The following TMEM131 variants were observed in gnomAD, a reference collection of about 807,000 sequenced individuals.
TMEM131 encodes the protein 2610524E03Rik.
A neutral mutation model predicts 211.6 loss-of-function variants in TMEM131; 66 were observed. The observed-to-expected ratio is 0.31, with a 90% confidence interval of 0.26 to 0.38. The LOEUF (loss-of-function observed/expected upper bound fraction) is 0.38. Ranked by LOEUF, TMEM131 falls within the 10% of genes least tolerant of loss-of-function variation. The pLI, the probability that TMEM131 is intolerant of heterozygous loss-of-function variation, is 1.00. For synonymous variants in TMEM131, 844 were observed against 841.3 expected (o/e 1.00, Z -0.06); for missense variants, 2,036 against 2,299.3 (o/e 0.89, Z 2.34).
intron 32 of TMEM131, among the ~76,000 whole-genome samples, chr2:97,774,653 C>T (rs906958347): frequency 3.3e-5 from 5 of 152,162 alleles, no homozygotes; most frequent in South Asian, 2.1e-4. Flanking sequence ...CACTGGGGGC[C>T]GCTGGAGAGG....
At chr2:97,857,423 G>A (rs1005297165) in intron 5 of TMEM131, among the ~76,000 whole-genome samples, 60 of 152,000 alleles carry the variant, frequency 3.9e-4, no homozygotes, top group African/African-American at 1.0e-3. Flanking sequence ...TCTGTATTAC[G>A]GTAGCAATGA....
At chr2:97,927,266 T>C in intron 2 of TMEM131, 160 bp downstream of exon 2, 1 of 459,424 alleles carries the variant, frequency 2.2e-6, no homozygotes, top group South Asian at 7.5e-5. Flanking sequence ...CTCACGTAAC[T>C]ACAGAGGTTT....
In TMEM131 at chr2:97,953,295, G is replaced by A. The variant is rs376316058; in HGVS notation, c.188-25808C>T. Reference sequence around the variant, plus strand: ...GTCAGACAAAACCCAACTACATACCGTCTAATAAAACTTATTTCAAACACA... The same window carrying A: ...GTCAGACAAAACCCAACTACATACCATCTAATAAAACTTATTTCAAACACA... On this transcript the variant is annotated intron_variant, in intron 1 of 40. Coordinates refer to ENST00000186436, the MANE Select transcript of TMEM131 (RefSeq NM_015348.2). 7.2e-5 allele frequency among the ~76,000 whole-genome samples: 11 copies of A among 152,204 alleles called. 1 individual carries two copies. The highest frequency in any genetic ancestry group is 2.6e-4 in the Admixed American group (4 of 15,296).
chr2:97,951,329 C>G (rs1051903659), intron 1 of TMEM131, among the ~76,000 whole-genome samples: 4 of 152,194 alleles, frequency 2.6e-5, no homozygotes, highest in African/African-American at 9.7e-5. Context: ...GGAGCTCCCA[C>G]TGGATAGCTT....
At chr2:97,908,295 G>A (rs539735133) in intron 3 of TMEM131, among the ~76,000 whole-genome samples, 35 of 152,184 alleles carry the variant, frequency 2.3e-4, no homozygotes, top group African/African-American at 8.2e-4. Context: ...CTTCTCTGGG[G>A]GCCTGCGGGC....
At chr2:97,940,396 T>A (rs746056067) in intron 1 of TMEM131, among the ~76,000 whole-genome samples, 3 of 152,180 alleles carry the variant, frequency 2.0e-5, no homozygotes, top group Non-Finnish European at 4.4e-5. Context: ...AGCCAAATCA[T>A]GAGTGAACTC....
intron 5 of TMEM131, among the ~76,000 whole-genome samples, chr2:97,857,501 T>C (rs1312658593): frequency 6.6e-6 from 1 of 152,228 alleles, no homozygotes; most frequent in Admixed American, 6.5e-5. Context: ...AAAATATTGC[T>C]TGACTTAGCA....
intron 7 of TMEM131, among the ~76,000 whole-genome samples, chr2:97,838,426 C>CTTTTTTTTTT (rs753635047): frequency 7.9e-5 from 7 of 89,094 alleles, no homozygotes; most frequent in African/African-American, 3.0e-4. Context: ...TAAGCTTAAA[C>CTTTTTTTTTT]TTTTTTTTTT....
intron 1 of TMEM131, among the ~76,000 whole-genome samples, chr2:97,933,543 A>T (rs1279877925): frequency 1.3e-5 from 2 of 152,168 alleles, no homozygotes; most frequent in Non-Finnish European, 2.9e-5. Context: ...TGGTGTTTGT[A>T]TAACATTGTG....
chr2:97,826,286 G>A (rs1000434845), intron 11 of TMEM131, among the ~76,000 whole-genome samples: 1 of 152,090 alleles, frequency 6.6e-6, no homozygotes, highest in Non-Finnish European at 1.5e-5. Flanking sequence ...ACTGAGAAAG[G>A]GAAAAAGAAT....
intron 1 of TMEM131, among the ~76,000 whole-genome samples, chr2:97,948,078 T>C (rs1256935585): frequency 3.3e-5 from 5 of 152,194 alleles, no homozygotes; most frequent in African/African-American, 1.2e-4. Flanking sequence ...AATTCTAAAG[T>C]TCCTAGAAAT....
At chr2:97,927,085 A>C (rs1240476622) in intron 2 of TMEM131, among the ~76,000 whole-genome samples, 1 of 152,204 alleles carries the variant, frequency 6.6e-6, no homozygotes, top group Non-Finnish European at 1.5e-5. Flanking sequence ...TTCAGTTTTT[A>C]TTCAGTTTTA....
chr2:97,879,939 C>G (rs1674855779), intron 4 of TMEM131, among the ~76,000 whole-genome samples: 1 of 152,134 alleles, frequency 6.6e-6, no homozygotes, highest in Admixed American at 6.5e-5. Flanking sequence ...TGCCCCTAAC[C>G]TGCCATGTTG....
At chr2:97,759,903 T>G (rs1381346909) in intron 38 of TMEM131, 154 bp from the exon 39 acceptor site, 3 of 632,992 alleles carry the variant, frequency 4.7e-6, no homozygotes, top group African/African-American at 3.6e-5. Flanking sequence ...GAACAATGGC[T>G]GCTTACCACA....
intron 19 of TMEM131, among the ~76,000 whole-genome samples, 165 bp from the exon 20 acceptor site, chr2:97,805,868 A>T (rs1681271375): frequency 6.6e-6 from 1 of 152,216 alleles, no homozygotes; most frequent in South Asian, 2.1e-4. Context: ...CAGCCAAAAA[A>T]CCTCACCAAA....
rs1308767483 is a variant in TMEM131, at chr2:97,804,290, C to T, written c.2402+798G>A. 1.5e-4 allele frequency among the ~76,000 whole-genome samples: 23 copies of T among 152,062 alleles called. 1 individual carries two copies. Among genetic ancestry groups the T allele is most frequent in the Admixed American group, 1.5e-3 (23 of 15,266 alleles). On this transcript the variant is annotated intron_variant, in intron 22 of 40. Transcript: ENST00000186436. ...CAGTATTGATTTGTCATTAGATGCA[C>T]ATTTCCTACCTGCCAAAGAAACACT...
chr2:97,845,189 T>C (rs1332470186), intron 5 of TMEM131, among the ~76,000 whole-genome samples: 1 of 151,992 alleles, frequency 6.6e-6, no homozygotes, highest in African/African-American at 2.4e-5. Flanking sequence ...GATTATCAAC[T>C]AGCCTGAAAT....
In TMEM131 at chr2:97,814,374, T is replaced by C. The variant is rs200161087; in HGVS notation, c.1307A>G (p.Asp436Gly). The change falls in exon 14 of 41, where the codon GAT (aspartate) becomes GGT (glycine). Residue 436 changes from aspartate (D) to glycine (G), a missense_variant. This residue lies in a region of TMEM131 where 1,623 missense variants were observed against 1,805.9 expected (regional missense o/e 0.90). Coordinates refer to ENST00000186436, the MANE Select transcript of TMEM131 (RefSeq NM_015348.2). ...GATGTGAAATAATGTTGCAGCATGATCAAATCCCAAATAACTATTAAAAAA... is the reference window on the plus strand; with the variant it reads ...GATGTGAAATAATGTTGCAGCATGACCAAATCCCAAATAACTATTAAAAAA... Reference protein sequence around the residue: ...AEVLDGYLGFDHAATLFHIRD... With the variant: ...AEVLDGYLGFGHAATLFHIRD... 14 of 1,602,464 alleles carry C rather than the reference T, an allele frequency of 8.7e-6. No individual in the cohort carries two copies. Among genetic ancestry groups the C allele is most frequent in the African/African-American group, 1.3e-5 (1 of 74,426 alleles).
intron 31 of TMEM131, among the ~76,000 whole-genome samples, chr2:97,779,087 C>T (rs1679866843): frequency 6.6e-6 from 1 of 152,240 alleles, no homozygotes; most frequent in South Asian, 2.1e-4. Context: ...GTCTAGGCCC[C>T]ACCCCTCAGA....
Sources: gnomAD v4.1 joint callset for allele counts (sites outside exome capture counted in the v4.1 genomes callset) on GRCh38, gnomAD v4.1.1 for gene constraint, gnomAD v4.1.1 regional missense constraint, MANE v1.5 for transcripts, NCBI Gene and HGNC (gene_info 2026-07-23, HGNC 2026-07-21) for gene names.